The following BCL11B variants were observed in gnomAD, a reference collection of about 807,000 sequenced individuals.
BCL11B encodes BCL11 transcription factor B.
In BCL11B, 8 loss-of-function variants were observed where a neutral mutation model predicts 49.9. The ratio of observed to expected loss-of-function variants is 0.16; its 90% confidence interval spans 0.09 to 0.29. BCL11B has a LOEUF of 0.29. Among genes scored for constraint, BCL11B ranks in the 10% least tolerant of loss-of-function variants. The probability of loss-of-function intolerance (pLI) is 1.00; values close to 1 mark genes in which losing one functional copy is unlikely to be tolerated. For missense variants in BCL11B, 1,006 were observed against 1,351.0 expected (o/e 0.74, Z 4.00); for synonymous variants, 739 against 637.4 (o/e 1.16, Z -2.40).
In BCL11B at chr14:99,172,514, G is replaced by A. The variant is rs990307664; in HGVS notation, c.*1637C>T. On this transcript the variant is annotated 3_prime_UTR_variant, in exon 4 of 4. Coordinates refer to ENST00000357195, the MANE Select transcript of BCL11B (RefSeq NM_138576.4). ...ATTTCAAAAAAAAAGTTTTGCATTTGTCTCAAGAGACTCAAATAGGAAGAT... is the reference window on the plus strand; with the variant it reads ...ATTTCAAAAAAAAAGTTTTGCATTTATCTCAAGAGACTCAAATAGGAAGAT... The A allele has an allele frequency of 4.4e-5, 9 of 203,766 alleles. No individual in the cohort carries two copies. Among genetic ancestry groups the A allele is most frequent in the Admixed American group, 1.8e-4 (3 of 16,620 alleles). The allele number at this position is 203,766 out of a possible 1,614,324, so 12.6% of individuals were successfully genotyped here. A position where few individuals can be genotyped will look rare whatever the true frequency, so the allele number is the denominator to read the frequency against.
intron 2 of BCL11B, among the ~76,000 whole-genome samples, chr14:99,253,999 G>A (rs557310903): frequency 1.2e-4 from 18 of 152,328 alleles, no homozygotes; most frequent in African/African-American, 2.4e-4. Context: ...CGTCCACAGC[G>A]AATGCTCAGC....
At chr14:99,238,546 G>A (rs1052477045) in intron 2 of BCL11B, among the ~76,000 whole-genome samples, 9 of 152,182 alleles carry the variant, frequency 5.9e-5, no homozygotes, top group Admixed American at 6.5e-5. Context: ...AATGTTGATG[G>A]GGAGGAAGGG....
At chr14:99,186,591 G>A (rs1404746692) in intron 3 of BCL11B, among the ~76,000 whole-genome samples, 2 of 152,326 alleles carry the variant, frequency 1.3e-5, no homozygotes, top group Non-Finnish European at 2.9e-5. Flanking sequence ...GCCTAAAGGC[G>A]GAGGTGGGAC....
At chr14:99,207,716 A>G (rs548237515) in intron 3 of BCL11B, among the ~76,000 whole-genome samples, 1 of 152,228 alleles carries the variant, frequency 6.6e-6, no homozygotes, top group South Asian at 2.1e-4. Context: ...AGTAAACAGG[A>G]GCTCCCTCGG....
At chr14:99,237,303 C>T (rs1364683235) in intron 2 of BCL11B, among the ~76,000 whole-genome samples, 1 of 150,458 alleles carries the variant, frequency 6.6e-6, no homozygotes, top group Non-Finnish European at 1.5e-5. Context: ...ACTTGTTTTC[C>T]ATTTCATTGT....
chr14:99,231,696 T>C lies in BCL11B; in HGVS notation c.428-139A>G. ...GGGAGGCCCCCGGGGTGCCAGGCCC[T>C]GCAGGGAAGGCAATCGGGACACAGG... is the stretch of plus-strand genomic sequence containing the variant. On this transcript the variant is annotated intron_variant, in intron 2 of 3. Transcript: ENST00000357195. This position sits in a 1 kb window ranked among gnomAD's most constrained non-coding sequence, Gnocchi z 8.1. The C allele has an allele frequency of 1.2e-6, 1 of 804,834 alleles. No individual in the cohort carries two copies. Among genetic ancestry groups the C allele is most frequent in the South Asian group, 1.7e-5 (1 of 59,474 alleles). 49.9% of individuals were successfully genotyped at this position (804,834 alleles called of 1,614,324 possible).
intron 3 of BCL11B, among the ~76,000 whole-genome samples, chr14:99,187,705 C>T (rs947841863): frequency 1.3e-5 from 2 of 149,806 alleles, no homozygotes; most frequent in African/African-American, 2.5e-5. Flanking sequence ...GGTGTGTGAG[C>T]GGGGATCAGT....
rs1211795638 is a variant in BCL11B, at chr14:99,174,738, C to T, written c.2098G>A (p.Ala700Thr). 1.3e-6 allele frequency: 2 copies of T among 1,529,464 alleles called. No individual in the cohort carries two copies. Among genetic ancestry groups the T allele is most frequent in the Non-Finnish European group, 1.8e-6 (2 of 1,138,664 alleles). 94.7% of individuals were successfully genotyped at this position (1,529,464 alleles called of 1,614,324 possible). A position where few individuals can be genotyped will look rare whatever the true frequency, so the allele number is the denominator to read the frequency against. ...VEKDLELPPA[A>T]LIPSENVYSQ... ...TACACGTTCTCGGACGGGATGAGCG[C>T]GGCGGGCGGCAGCTCCAGGTCCTTC... The change falls in exon 4 of 4, where the codon GCG becomes ACG. Residue 700 changes from alanine (A) to threonine (T), a missense_variant. Transcript: ENST00000357195.
rs968289796 is a variant in BCL11B, at chr14:99,175,480, C to T, written c.1356G>A (p.Glu452=). The part of the protein sequence containing the change: ...LIVHRRSHTG[E]KPYKCQLCDH... ...CGCACAGCTGGCACTTGTAGGGCTTCTCGCCCGTGTGACTGCGCCGGTGCA... is the reference window on the plus strand; with the variant it reads ...CGCACAGCTGGCACTTGTAGGGCTTTTCGCCCGTGTGACTGCGCCGGTGCA... The change falls in exon 4 of 4, where the codon GAG becomes GAA. Residue 452 remains glutamate (E), a synonymous_variant. Transcript: ENST00000357195. 5 of 1,611,224 alleles carry T rather than the reference C, an allele frequency of 3.1e-6. No individual in the cohort carries two copies. The highest frequency in any genetic ancestry group is 1.3e-5 in the African/African-American group (1 of 74,528).
rs147278581 is a variant in BCL11B, at chr14:99,242,288, C to G, written c.428-10731G>C. Among the ~76,000 whole-genome samples, 5 of 152,314 alleles carry G rather than the reference C, an allele frequency of 3.3e-5. No homozygotes were observed. The highest frequency in any genetic ancestry group is 1.2e-4 in the African/African-American group (5 of 41,566). ...ACATGGGCGTTGCATGATCTTGTCC[C>G]CCTGCTTCCCTACCTTTTCTCGCAA... On this transcript the variant is annotated intron_variant, in intron 2 of 3. Transcript: ENST00000357195. This position sits in a 1 kb window ranked among gnomAD's most constrained non-coding sequence, Gnocchi z 4.4.
intron 3 of BCL11B, among the ~76,000 whole-genome samples, chr14:99,211,111 A>T (rs1250849103): frequency 6.6e-6 from 1 of 152,160 alleles, no homozygotes; most frequent in Non-Finnish European, 1.5e-5. Flanking sequence ...CCCAGGTAAT[A>T]CCATGATCTC....
chr14:99,201,412 A>T (rs1483512650), intron 3 of BCL11B, among the ~76,000 whole-genome samples: 3 of 152,188 alleles, frequency 2.0e-5, no homozygotes, highest in African/African-American at 7.2e-5. Flanking sequence ...AATCGCTGTC[A>T]TGATCATCAC....
intron 3 of BCL11B, among the ~76,000 whole-genome samples, chr14:99,187,974 G>C (rs541644960): frequency 2.1e-4 from 32 of 152,292 alleles, no homozygotes; most frequent in African/African-American, 7.5e-4. Flanking sequence ...TGACGTTATG[G>C]AGAGCCTCGA....
At chr14:99,258,780 TGAAA>T (rs1889251129) in intron 1 of BCL11B, among the ~76,000 whole-genome samples, 1 of 152,076 alleles carries the variant, frequency 6.6e-6, no homozygotes, top group Non-Finnish European at 1.5e-5. Flanking sequence ...CCCAGAAAAA[TGAAA>T]GAAAGAAAAT....
chr14:99,175,957 G>T lies in BCL11B; in HGVS notation c.879C>A (p.Arg293=). Residue 293 remains arginine, a synonymous_variant, in exon 4 of 4, where the codon CGC becomes CGA. Coordinates refer to ENST00000357195, the MANE Select transcript of BCL11B (RefSeq NM_138576.4). ...GGTCCCGCAGGATGGGGCCCGTCATGCGCAGCAGGTTGAAGGGGTTGCTGT... is the reference window on the plus strand; with the variant it reads ...GGTCCCGCAGGATGGGGCCCGTCATTCGCAGCAGGTTGAAGGGGTTGCTGT... ...LGDSNPFNLL[R]MTGPILRDHP... is the part of the protein sequence containing the mutation. 1 of 1,472,976 alleles carries T rather than the reference G, an allele frequency of 6.8e-7. No individual in the cohort carries two copies. The highest frequency in any genetic ancestry group is 9.0e-7 in the Non-Finnish European group (1 of 1,112,312). 91.2% of individuals were successfully genotyped at this position (1,472,976 alleles called of 1,614,324 possible). A position where few individuals can be genotyped will look rare whatever the true frequency, so the allele number is the denominator to read the frequency against.
Position 99,174,172 on chromosome 14 carries a change from G to A in BCL11B, c.2664C>T (p.Ile888=), listed in dbSNP as rs1429891978. The A allele has an allele frequency of 5.6e-6, 9 of 1,613,030 alleles. No homozygotes were observed. In the South Asian group the frequency reaches 8.8e-5, roughly 16 times the overall value. Residue 888 remains isoleucine (I), a synonymous_variant, in exon 4 of 4, where the codon ATC becomes ATT. Transcript: ENST00000357195. ...GCGCTTAGCTCCTCTCGGCCTGCTC[G>A]ATTTTGACGTCGTTAGTCAGCAAGT... The part of the protein sequence containing the change: ...GEHLLTNDVK[I]EQAERS
intron 2 of BCL11B, among the ~76,000 whole-genome samples, chr14:99,237,362 G>A (rs1053282019): frequency 6.6e-6 from 1 of 151,490 alleles, no homozygotes; most frequent in African/African-American, 2.4e-5. Flanking sequence ...GGAAAGCAAA[G>A]CATTTAAGTG....
At chr14:99,259,485 ATAGG>A (rs574649228) in intron 1 of BCL11B, among the ~76,000 whole-genome samples, 1 of 152,370 alleles carries the variant, frequency 6.6e-6, no homozygotes, top group Admixed American at 6.5e-5. Context: ...CTATGTGTGA[ATAGG>A]TAGCGACGTA....
In BCL11B at chr14:99,242,208, T is replaced by C. The variant is rs1486377399; in HGVS notation, c.428-10651A>G. ...AAGGCAGCACTAATCTGCTGGTTAATTAACGAGCTGCCACTAACAAAAGAT... is the reference window on the plus strand; with the variant it reads ...AAGGCAGCACTAATCTGCTGGTTAACTAACGAGCTGCCACTAACAAAAGAT... On this transcript the variant is annotated intron_variant, in intron 2 of 3. Transcript: ENST00000357195. This position sits in a 1 kb window ranked among gnomAD's most constrained non-coding sequence, Gnocchi z 4.4. 6.6e-6 allele frequency among the ~76,000 whole-genome samples: 1 copy of C among 152,212 alleles called. No homozygotes were observed. The highest frequency in any genetic ancestry group is 1.5e-5 in the Non-Finnish European group (1 of 68,042).
Sources: gnomAD v4.1 joint callset for allele counts (sites outside exome capture counted in the v4.1 genomes callset) on GRCh38, gnomAD v4.1.1 for gene constraint, Gnocchi (gnomAD v3.1) non-coding constraint, MANE v1.5 for transcripts, NCBI Gene and HGNC (gene_info 2026-07-23, HGNC 2026-07-21) for gene names.